The following DENND4C variants were observed in gnomAD, a reference collection of about 807,000 sequenced individuals.
DENND4C encodes the protein DENN domain containing 4C.
Under a neutral mutation model 203.0 loss-of-function variants are expected in DENND4C, and 108 were observed. The ratio of observed to expected loss-of-function variants is 0.53; its 90% CI spans 0.46 to 0.62. The LOEUF is 0.62. DENND4C is among the 20% of genes least tolerant of loss of function. The pLI, the probability that DENND4C is intolerant of heterozygous loss-of-function variation, is 0.00. For synonymous variants in DENND4C, 871 were observed against 792.4 expected, an observed-to-expected ratio of 1.10 and a Z score of -1.67; for missense variants, 2,481 against 2,301.2, an observed-to-expected ratio of 1.08 and a Z score of -1.60.
chr9:19,300,024 C>T (rs558666516), intron 8 of DENND4C, among the ~76,000 whole-genome samples, 163 bp from the exon 9 acceptor site: 1 of 152,156 alleles, frequency 6.6e-6, no homozygotes, highest in African/African-American at 2.4e-5. Flanking sequence ...GTTTAAATCA[C>T]CCCGTTATCT....
At chr9:19,297,622 A>C (rs1837730666) in intron 6 of DENND4C, among the ~76,000 whole-genome samples, 1 of 152,192 alleles carries the variant, frequency 6.6e-6, no homozygotes. Context: ...GAAACTTAAG[A>C]AGCAATTTTT....
intron 10 of DENND4C, among the ~76,000 whole-genome samples, chr9:19,315,167 A>AAG (rs1188961032): frequency 6.6e-6 from 1 of 151,256 alleles, no homozygotes; most frequent in Non-Finnish European, 1.5e-5. Context: ...AAAAAAAAAA[A>AAG]AAAAAGAAAA....
chr9:19,261,533 C>T (rs1305999709), intron 1 of DENND4C, among the ~76,000 whole-genome samples: 3 of 150,848 alleles, frequency 2.0e-5, no homozygotes, highest in Non-Finnish European at 4.4e-5. Flanking sequence ...GATAGGGTCT[C>T]ACACTATTGT....
chr9:19,336,184 T>A (rs1820424394), intron 18 of DENND4C, 86 bp from the exon 19 acceptor site: 1 of 1,208,664 alleles, frequency 8.3e-7, no homozygotes, highest in East Asian at 2.7e-5. Context: ...TATATATATA[T>A]AAACATACAC....
At position 19,316,648 on chromosome 9, in the gene DENND4C, C is replaced by T. The variant is rs766470188; in HGVS notation, c.1616C>T (p.Ala539Val). The T allele has an allele frequency of 2.5e-6, 4 of 1,613,920 alleles. No individual in the cohort carries two copies. The highest frequency in any genetic ancestry group is 2.2e-5 in the East Asian group (1 of 44,854). Residue 539 changes from alanine to valine, a missense_variant, in exon 12 of 33, where the codon GCG becomes GTG. By Grantham distance (64) the Ala-to-Val change is moderately conservative. Coordinates refer to ENST00000434457, the MANE Select transcript of DENND4C (RefSeq NM_001330640.2). ...SVHQKTQEGSAIDMTPIEADF... is the reference protein window; with the variant it reads ...SVHQKTQEGSVIDMTPIEADF... ...CACCAAAAAACTCAAGAAGGCTCAG[C>T]GATTGACATGACTCCAATTGAAGCA... is the stretch of plus-strand genomic sequence containing the variant.
At chr9:19,268,140 C>T (rs1245339694) in intron 1 of DENND4C, among the ~76,000 whole-genome samples, 2 of 151,738 alleles carry the variant, frequency 1.3e-5, no homozygotes, top group East Asian at 1.9e-4. Context: ...TATTCTGTCG[C>T]CCATGCTGGA....
chr9:19,243,212 A>G (rs967375703), intron 1 of DENND4C, among the ~76,000 whole-genome samples: 4 of 152,074 alleles, frequency 2.6e-5, no homozygotes, highest in East Asian at 1.9e-4. Flanking sequence ...AGATTTACCT[A>G]TTTTGGACAT....
chr9:19,360,405 C>T lies in DENND4C; in HGVS notation c.5322C>T (p.Leu1774=), dbSNP rs775249656. 19 of 1,613,960 alleles carry T rather than the reference C, an allele frequency of 1.2e-5. No individual in the cohort carries two copies. Among genetic ancestry groups the T allele is most frequent in the South Asian group, 5.5e-5 (5 of 91,086 alleles). The change falls in exon 29 of 33, where the codon CTC becomes CTT. Residue 1774 remains leucine (L), a synonymous_variant. Coordinates refer to ENST00000434457, the MANE Select transcript of DENND4C (RefSeq NM_001330640.2). ...INQHPIIFWN[L]VWYFRRLDLP... Reference sequence around the variant, plus strand: ...AACATCCAATCATTTTCTGGAACCTCGTTTGGTATTTCAGACGTTTGGACC... The same window carrying T: ...AACATCCAATCATTTTCTGGAACCTTGTTTGGTATTTCAGACGTTTGGACC...
chr9:19,337,716 G>A (rs1194574585), intron 20 of DENND4C: 1 of 1,152,036 alleles, frequency 8.7e-7, no homozygotes, highest in East Asian at 5.8e-5. Context: ...ACCTGCAAGG[G>A]TGGGGGAAAG....
chr9:19,233,748 A>G (rs1821176747), intron 1 of DENND4C, among the ~76,000 whole-genome samples: 1 of 152,024 alleles, frequency 6.6e-6, no homozygotes, highest in Non-Finnish European at 1.5e-5. Flanking sequence ...GCCTGCCACC[A>G]CGCCTGGCTA....
At chr9:19,368,694 C>T (rs1212579676) in intron 30 of DENND4C, among the ~76,000 whole-genome samples, 1 of 151,992 alleles carries the variant, frequency 6.6e-6, no homozygotes, top group Non-Finnish European at 1.5e-5. Flanking sequence ...CTCAGCTACT[C>T]GAGGCTGAAG....
chr9:19,335,679 A>T (rs1199538812), intron 18 of DENND4C, among the ~76,000 whole-genome samples: 1 of 152,042 alleles, frequency 6.6e-6, no homozygotes, highest in East Asian at 1.9e-4. Flanking sequence ...GTCACAAATT[A>T]CTGGGTTTCC....
intron 22 of DENND4C, among the ~76,000 whole-genome samples, chr9:19,344,993 A>G (rs73648903): frequency 0.011 from 1,731 of 152,202 alleles, 29 homozygotes; most frequent in African/African-American, 0.037. Context: ...CTCTAATCCC[A>G]TTCATCAGGG....
chr9:19,275,417 C>T (rs994207491), intron 1 of DENND4C, among the ~76,000 whole-genome samples: 3 of 151,886 alleles, frequency 2.0e-5, no homozygotes, highest in Non-Finnish European at 4.4e-5. Flanking sequence ...CCCAGCCTCC[C>T]GAGTAGCTGG....
At chr9:19,316,338 T>G in intron 10 of DENND4C, 79 bp from the exon 11 acceptor site, 1 of 1,106,306 alleles carries the variant, frequency 9.0e-7, no homozygotes, top group African/African-American at 1.6e-5. Flanking sequence ...TTTTCTTGTT[T>G]TAGGTTGATG....
intron 12 of DENND4C, among the ~76,000 whole-genome samples, chr9:19,322,352 A>G (rs954940001): frequency 2.0e-5 from 3 of 152,224 alleles, no homozygotes; most frequent in Non-Finnish European, 4.4e-5. Context: ...CAAAAAGACA[A>G]AAGAGCAGAG....
chr9:19,248,320 T>C (rs1163791649), intron 1 of DENND4C, among the ~76,000 whole-genome samples: 1 of 152,196 alleles, frequency 6.6e-6, no homozygotes, highest in Non-Finnish European at 1.5e-5. Context: ...CTGCCTGGAA[T>C]GTTCTTCCTT....
At chr9:19,362,539 A>T (rs1374788627) in intron 30 of DENND4C, among the ~76,000 whole-genome samples, 3 of 75,998 alleles carry the variant, frequency 3.9e-5, no homozygotes, top group East Asian at 7.5e-4. Flanking sequence ...ATTTGCTGTT[A>T]AAAAAAAAAG....
chr9:19,341,095 A>C lies in DENND4C; in HGVS notation c.2985A>C (p.Lys995Asn), dbSNP rs756618248. 6.2e-7 allele frequency: 1 copy of C among 1,611,494 alleles called. No individual in the cohort carries two copies. Among genetic ancestry groups the C allele is most frequent in the South Asian group, 1.1e-5 (1 of 90,518 alleles). Residue 995 changes from lysine to asparagine, a missense_variant, in exon 21 of 33, where the codon AAA (lysine) becomes AAC (asparagine). This residue lies in a region of DENND4C where 2,289 missense variants were observed against 2,113.3 expected (regional missense o/e 1.08). Coordinates refer to ENST00000434457, the MANE Select transcript of DENND4C (RefSeq NM_001330640.2). ...AGGCAGCAAGAGAATTGATAACTAAAACAAAAATGCAAACAGAAGGTTAAG... is the reference window on the plus strand; with the variant it reads ...AGGCAGCAAGAGAATTGATAACTAACACAAAAATGCAAACAGAAGGTTAAG... ...EEQAARELIT[K>N]TKMQTEEVCD...
Sources: gnomAD v4.1 joint callset for allele counts (sites outside exome capture counted in the v4.1 genomes callset) on GRCh38, gnomAD v4.1.1 for gene constraint, gnomAD v4.1.1 regional missense constraint, MANE v1.5 for transcripts, NCBI Gene and HGNC (gene_info 2026-07-23, HGNC 2026-07-21) for gene names.